Variants in CWF19L2 observed in about 807,000 individuals in gnomAD.
CWF19L2 encodes CWF19 like cell cycle control factor 2.
CWF19L2 carries 98 observed loss-of-function variants against 111.7 expected under a neutral mutation model. The ratio of observed to expected loss-of-function variants is 0.88; its 90% confidence interval spans 0.75 to 1.04. The LOEUF (loss-of-function observed/expected upper bound fraction) is 1.04, where lower values mean the gene tolerates loss of function less well. Ranked by LOEUF, CWF19L2 falls within the 50% of genes least tolerant of loss-of-function variation. The probability of loss-of-function intolerance (pLI) is 0.00; values close to 1 mark genes in which losing one functional copy is unlikely to be tolerated. For synonymous variants in CWF19L2, 351 were observed against 342.9 expected (o/e 1.02, Z -0.26); for missense variants, 1,101 against 1,051.4 (o/e 1.05, Z -0.65).
intron 13 of CWF19L2, 105 bp from the exon 14 acceptor site, chr11:107,349,158 A>T (rs570058368): frequency 2.3e-6 from 1 of 433,016 alleles, no homozygotes; most frequent in Middle Eastern, 6.6e-4. Flanking sequence ...AGCCCCTAGT[A>T]GAAAAAAATG....
intron 14 of CWF19L2, among the ~76,000 whole-genome samples, chr11:107,346,494 T>G (rs1860082789): frequency 6.6e-6 from 1 of 152,170 alleles, no homozygotes; most frequent in South Asian, 2.1e-4. Context: ...TTAGCAGGGA[T>G]AGCAAAGAGG....
At chr11:107,405,249 A>G (rs1433421526) in intron 10 of CWF19L2, among the ~76,000 whole-genome samples, 1 of 152,220 alleles carries the variant, frequency 6.6e-6, no homozygotes, top group East Asian at 1.9e-4. Flanking sequence ...TTCATGATAC[A>G]ACAACAGTTG....
At chr11:107,399,908 A>C (rs1860976365) in intron 10 of CWF19L2, among the ~76,000 whole-genome samples, 1 of 152,214 alleles carries the variant, frequency 6.6e-6, no homozygotes, top group African/African-American at 2.4e-5. Context: ...ATTAACTCCA[A>C]AAGGAACCTT....
chr11:107,328,904 T>TG (rs1347167771), intron 17 of CWF19L2, among the ~76,000 whole-genome samples: 1 of 152,222 alleles, frequency 6.6e-6, no homozygotes, highest in Non-Finnish European at 1.5e-5. Flanking sequence ...AGTTCAAAGA[T>TG]GCATGTTACT....
At chr11:107,434,796 T>A (rs1861517739) in intron 6 of CWF19L2, among the ~76,000 whole-genome samples, 2 of 151,338 alleles carry the variant, frequency 1.3e-5, no homozygotes, top group Admixed American at 1.3e-4. Context: ...GAAAACAGAA[T>A]AATGGTTACC....
intron 16 of CWF19L2, among the ~76,000 whole-genome samples, chr11:107,332,839 G>A (rs1448079561): frequency 6.6e-6 from 1 of 151,816 alleles, no homozygotes; most frequent in African/African-American, 2.4e-5. Context: ...AAGCTAAAAG[G>A]GGCTGGGCGC....
chr11:107,375,233 A>T (rs1252853670), intron 12 of CWF19L2, among the ~76,000 whole-genome samples: 1 of 133,078 alleles, frequency 7.5e-6, no homozygotes, highest in Non-Finnish European at 1.6e-5. Flanking sequence ...GTCAACAAGG[A>T]TACCCAGGAA....
intron 7 of CWF19L2, among the ~76,000 whole-genome samples, chr11:107,430,151 G>C (rs111619880): frequency 1.2e-4 from 18 of 151,526 alleles, no homozygotes; most frequent in Non-Finnish European, 1.2e-4. Context: ...AGCCTTGGGT[G>C]GGGGAGAAAG....
intron 3 of CWF19L2, among the ~76,000 whole-genome samples, chr11:107,445,632 G>A (rs1212982817): frequency 6.7e-6 from 1 of 149,488 alleles, no homozygotes; most frequent in Non-Finnish European, 1.5e-5. Context: ...AGTAGCCCTA[G>A]ATCAGATCTT....
chr11:107,364,417 T>C (rs1370641369), intron 12 of CWF19L2, among the ~76,000 whole-genome samples: 3 of 148,410 alleles, frequency 2.0e-5, no homozygotes, highest in Non-Finnish European at 4.5e-5. Flanking sequence ...GACCACATAC[T>C]TGGAAGTAAA....
chr11:107,412,496 A>G (rs1263160099), intron 10 of CWF19L2, among the ~76,000 whole-genome samples: 1 of 152,140 alleles, frequency 6.6e-6, no homozygotes, highest in Admixed American at 6.5e-5. Context: ...GCCCACCACC[A>G]TGCCCAGCTA....
chr11:107,405,335 A>G (rs1861061126), intron 10 of CWF19L2, among the ~76,000 whole-genome samples: 1 of 152,198 alleles, frequency 6.6e-6, no homozygotes, highest in African/African-American at 2.4e-5. Context: ...AAAGTCTGCC[A>G]ATCTTGGTTC....
Position 107,326,805 on chromosome 11 carries a change from T to G in CWF19L2, c.*105A>C, listed in dbSNP as rs1272880863. ...TCACTGACCCAGAGCAGTCTGCTGC[T>G]GTGACTCTCTCTGCCTGTGACCTGA... On this transcript the variant is annotated 3_prime_UTR_variant, in exon 18 of 18. Transcript: ENST00000282251. 1.4e-5 allele frequency: 13 copies of G among 933,432 alleles called. No homozygotes were observed. Among genetic ancestry groups the G allele is most frequent in the Non-Finnish European group, 1.6e-6 (1 of 629,702 alleles). 57.8% of individuals were successfully genotyped at this position (933,432 alleles called of 1,614,324 possible).
intron 12 of CWF19L2, among the ~76,000 whole-genome samples, chr11:107,368,293 G>A (rs1268856185): frequency 7.3e-6 from 1 of 137,794 alleles, no homozygotes; most frequent in Non-Finnish European, 1.6e-5. Context: ...AAGAGCATCA[G>A]AGACTATGAT....
chr11:107,373,155 A>AC (rs1860539752), intron 12 of CWF19L2, among the ~76,000 whole-genome samples: 1 of 43,626 alleles, frequency 2.3e-5, no homozygotes, highest in African/African-American at 2.6e-4. Flanking sequence ...CTACCACAGC[A>AC]GCTGAGATCA....
chr11:107,382,004 T>C (rs557145150), intron 12 of CWF19L2, among the ~76,000 whole-genome samples: 1 of 152,258 alleles, frequency 6.6e-6, no homozygotes, highest in South Asian at 2.1e-4. Flanking sequence ...CCATGTTTAA[T>C]GGTCTATTAG....
intron 6 of CWF19L2, among the ~76,000 whole-genome samples, chr11:107,438,084 G>T (rs890422319): frequency 3.9e-5 from 6 of 152,112 alleles, no homozygotes; most frequent in Non-Finnish European, 7.4e-5. Flanking sequence ...ATGTAAGGTG[G>T]CTCTACTGTC....
At chr11:107,452,243 G>A (rs1861788100) in intron 3 of CWF19L2, among the ~76,000 whole-genome samples, 2 of 152,058 alleles carry the variant, frequency 1.3e-5, no homozygotes, top group Non-Finnish European at 2.9e-5. Context: ...GTGATAAGAG[G>A]CAAGGTGAAT....
chr11:107,447,094 C>T (rs2135426121), intron 3 of CWF19L2, among the ~76,000 whole-genome samples: 1 of 152,244 alleles, frequency 6.6e-6, no homozygotes. Context: ...TGCTTCTGTC[C>T]TTGACAAAAT....
Sources: allele counts gnomAD v4.1 joint callset (sites outside exome capture counted in the v4.1 genomes callset), GRCh38; gene constraint gnomAD v4.1.1; transcripts MANE v1.5; gene names NCBI Gene and HGNC (gene_info 2026-07-23, HGNC 2026-07-21).